Variants in CHRNA4 observed in about 807,000 individuals in gnomAD.
CHRNA4 encodes cholinergic receptor nicotinic alpha 4 subunit, also known as neuronal acetylcholine receptor subunit alpha-4.
CHRNA4 carries 28 observed loss-of-function variants against 48.9 expected under a neutral mutation model. That is an observed-to-expected ratio of 0.57 (90% CI 0.42 to 0.79). CHRNA4 has a LOEUF of 0.79. Among genes scored for constraint, CHRNA4 ranks in the 30% least tolerant of loss-of-function variants. CHRNA4 has a pLI of 0.00. For synonymous variants in CHRNA4, 425 were observed against 402.3 expected (o/e 1.06, Z -0.68); for missense variants, 859 against 898.4 (o/e 0.96, Z 0.56).
chr20:63,351,192 G>C, intron 4 of CHRNA4, 165 bp from the exon 5 acceptor site: 1 of 437,884 alleles, frequency 2.3e-6, no homozygotes, highest in Non-Finnish European at 3.9e-6. Context: ...CATGTCCCAC[G>C]CCCACATCCA....
chr20:63,361,048 A>G, intron 1 of CHRNA4, 42 bp downstream of exon 1: 1 of 1,392,342 alleles, frequency 7.2e-7, no homozygotes, highest in Non-Finnish European at 9.4e-7. Context: ...AGGCCATCCG[A>G]ACGCGGGCGA....
rs114029574 is a variant in CHRNA4 at position 63,348,351 on chromosome 20, C to T, written c.1758+1302G>A. ...CTGGCAGCAAAGCAGGATCCCGATG[C>T]TTCTCCAGGCTGCTCTCGTGACCCC... On this transcript the variant is annotated intron_variant, in intron 5 of 5. Transcript: ENST00000370263. Among the ~76,000 whole-genome samples, 163 of 152,374 alleles carry T rather than the reference C, an allele frequency of 1.1e-3. 1 individual carries two copies. Among genetic ancestry groups the T allele is most frequent in the African/African-American group, 3.7e-3 (154 of 41,578 alleles).
intron 2 of CHRNA4, 102 bp from the exon 3 acceptor site, chr20:63,356,517 C>G (rs2068721464): frequency 5.5e-6 from 7 of 1,279,108 alleles, no homozygotes; most frequent in Non-Finnish European, 2.2e-6. Flanking sequence ...ACGGCCAGGG[C>G]AAGATATGGT....
At chr20:63,357,356 T>A (rs1362939556) in intron 2 of CHRNA4, among the ~76,000 whole-genome samples, 1 of 152,216 alleles carries the variant, frequency 6.6e-6, no homozygotes, top group Non-Finnish European at 1.5e-5. Context: ...CAGAACCAGC[T>A]TCACGTGGCC....
chr20:63,361,291 G>C lies in CHRNA4; in HGVS notation c.-126C>G. On this transcript the variant is annotated 5_prime_UTR_variant, in exon 1 of 6. Coordinates refer to ENST00000370263, the MANE Select transcript of CHRNA4 (RefSeq NM_000744.7). Reference sequence around the variant, plus strand: ...CCGCTTCGGCCGCCGGGCCCGGTTCGTCTTCTCCTGTGGGGCGCGGTGCGG... The same window carrying C: ...CCGCTTCGGCCGCCGGGCCCGGTTCCTCTTCTCCTGTGGGGCGCGGTGCGG... 2.2e-6 allele frequency: 3 copies of C among 1,345,104 alleles called. No homozygotes were observed. The highest frequency in any genetic ancestry group is 1.9e-6 in the Non-Finnish European group (2 of 1,049,912). The allele number at this position is 1,345,104 out of a possible 1,614,324, so 83.3% of individuals were successfully genotyped here.
chr20:63,353,768 A>G (rs1217860886), intron 4 of CHRNA4, among the ~76,000 whole-genome samples: 7 of 9,798 alleles, frequency 7.1e-4, no homozygotes, highest in Non-Finnish European at 1.1e-3. Flanking sequence ...CTGTAGTCCT[A>G]GGGGGCTGCG....
At chr20:63,352,548 C>T (rs568862070) in intron 4 of CHRNA4, among the ~76,000 whole-genome samples, 9 of 152,160 alleles carry the variant, frequency 5.9e-5, no homozygotes, top group Non-Finnish European at 8.8e-5. Context: ...CAGCGGGGGG[C>T]GGGGCTTTAC....
In CHRNA4 at chr20:63,359,637, C is replaced by T. The variant is rs750423296; in HGVS notation, c.139G>A (p.Gly47Ser). The change falls in exon 2 of 6, where the codon GGT (glycine) becomes AGT (serine). Residue 47 changes from glycine to serine, a missense_variant. By Grantham distance (56) the Gly-to-Ser change is moderately conservative. Transcript: ENST00000370263. ...EERLLKKLFS[G>S]YNKWSRPVAN... ...ACGGGTCGGGACCACTTGTTGTAACCGGAGAAGAGTTTCTTCAGGAGCCGC... is the reference window on the plus strand; with the variant it reads ...ACGGGTCGGGACCACTTGTTGTAACTGGAGAAGAGTTTCTTCAGGAGCCGC... 18 of 1,612,620 alleles carry T rather than the reference C, an allele frequency of 1.1e-5. No individual in the cohort carries two copies. The highest frequency in any genetic ancestry group is 1.7e-4 in the Middle Eastern group (1 of 5,980).
chr20:63,351,172 C>T (rs1378684099), intron 4 of CHRNA4, 145 bp from the exon 5 acceptor site: 37 of 514,434 alleles, frequency 7.2e-5, no homozygotes, highest in South Asian at 4.2e-4. Flanking sequence ...TCCACGTCCA[C>T]GCCCACATCC....
At chr20:63,353,675 GCTGCAGTCCTAGGA>G (rs2068655890) in intron 4 of CHRNA4, among the ~76,000 whole-genome samples, 1 of 65,942 alleles carries the variant, frequency 1.5e-5, no homozygotes, top group Non-Finnish European at 3.0e-5. Context: ...TCCTGGGAGG[GCTGCAGTCCTAGGA>G]GGCTGTGGTC....
intron 4 of CHRNA4, chr20:63,354,505 G>T (rs2145398358): frequency 2.3e-6 from 2 of 862,894 alleles, no homozygotes; most frequent in South Asian, 5.2e-5. Context: ...GGTCCTAGAG[G>T]AACTGTGGTC....
chr20:63,348,801 C>A (rs997452890), intron 5 of CHRNA4, among the ~76,000 whole-genome samples: 1 of 152,054 alleles, frequency 6.6e-6, no homozygotes, highest in Non-Finnish European at 1.5e-5. Context: ...TGCCTCCCCC[C>A]ATGTGACAGG....
At chr20:63,352,004 G>A (rs2068623122) in intron 4 of CHRNA4, among the ~76,000 whole-genome samples, 1 of 152,202 alleles carries the variant, frequency 6.6e-6, no homozygotes, top group African/African-American at 2.4e-5. Context: ...TGGGAAGCCT[G>A]AGGCCCCATT....
At position 63,350,350 on chromosome 20, in the gene CHRNA4, C is replaced by T. The variant is rs200605749; in HGVS notation, c.1061G>A (p.Arg354His). ...VRRVFLDIVP[R>H]LLLMKRPSVV... ...GGACGGCCGCTTCATGAGGAGCAGG[C>T]GTGGCACGATGTCCAGGAAGACCCT... is the stretch of plus-strand genomic sequence containing the variant. The change falls in exon 5 of 6, where the codon CGC (arginine) becomes CAC (histidine). Residue 354 changes from arginine to histidine, a missense_variant. Physicochemically the swap from Arg to His is conservative, Grantham distance 29 (BLOSUM62 0). Around this residue, in one of 3 missense-constraint regions of CHRNA4, gnomAD observed 478 missense variants for 455.4 expected, o/e 1.05. Transcript: ENST00000370263. 35 of 1,613,434 alleles carry T rather than the reference C, an allele frequency of 2.2e-5. 1 individual carries two copies. Among genetic ancestry groups the T allele is most frequent in the South Asian group, 1.8e-4 (16 of 91,082 alleles).
Position 63,349,660 on chromosome 20 carries a change from T to C in CHRNA4, c.1751A>G (p.Asp584Gly). The C allele has an allele frequency of 1.9e-6, 3 of 1,612,608 alleles. No homozygotes were observed. In the Middle Eastern group the frequency reaches 5.0e-4, roughly 266 times the overall value. Residue 584 changes from aspartate (D) to glycine (G), a missense_variant, in exon 5 of 6, where the codon GAC becomes GGC. Asp to Gly is a moderately conservative substitution (Grantham distance 94). Around this residue, in one of 3 missense-constraint regions of CHRNA4, gnomAD observed 478 missense variants for 455.4 expected, o/e 1.05. Transcript: ENST00000370263. ...IADHLKAEDT[D>G]FSVKEDWKYV... ...GCCATGGGCGGGACTTACCGAGAAG[T>C]CTGTGTCTTCGGCCTTCAGGTGGTC... is the stretch of plus-strand genomic sequence containing the variant.
chr20:63,344,072 G>A lies in CHRNA4; in HGVS notation c.*2666C>T, dbSNP rs2123458519. On this transcript the variant is annotated 3_prime_UTR_variant, in exon 6 of 6. Transcript: ENST00000370263. The surrounding 1 kb of genome is among the most constrained non-coding windows in gnomAD (Gnocchi z 4.5). ...CAAGCAAAGTCCACTAACAGGTGAT[G>A]GACAAACTGCGTCTTAGTTTATTCA... 2.2e-6 allele frequency: 1 copy of A among 454,144 alleles called. No homozygotes were observed. Among genetic ancestry groups the A allele is most frequent in the East Asian group, 6.9e-5 (1 of 14,404 alleles). 28.1% of individuals were successfully genotyped at this position (454,144 alleles called of 1,614,324 possible). A position where few individuals can be genotyped will look rare whatever the true frequency, so the allele number is the denominator to read the frequency against.
In CHRNA4 at chr20:63,350,062, C is replaced by T. The variant is rs1469610360; in HGVS notation, c.1349G>A (p.Arg450His). ...TGGTGCCTGGGTGCCGTGGGGCGGG[C>T]GGCAGGGTCCAGGCGAGGGGTGGGG... is the stretch of plus-strand genomic sequence containing the variant. ...ASPHPSPGPC[R>H]PPHGTQAPGL... The change falls in exon 5 of 6, where the codon CGC becomes CAC. Residue 450 changes from arginine to histidine, a missense_variant. Physicochemically the swap from Arg to His is conservative, Grantham distance 29. Coordinates refer to ENST00000370263, the MANE Select transcript of CHRNA4 (RefSeq NM_000744.7). The T allele has an allele frequency of 1.5e-5, 22 of 1,511,840 alleles. No individual in the cohort carries two copies. The highest frequency in any genetic ancestry group is 4.7e-5 in the East Asian group (2 of 42,348). 93.7% of individuals were successfully genotyped at this position (1,511,840 alleles called of 1,614,324 possible). A position where few individuals can be genotyped will look rare whatever the true frequency, so the allele number is the denominator to read the frequency against.
chr20:63,346,008 GT>G lies in CHRNA4; in HGVS notation c.*729del. On this transcript the variant is annotated 3_prime_UTR_variant, in exon 6 of 6. Coordinates refer to ENST00000370263, the MANE Select transcript of CHRNA4 (RefSeq NM_000744.7). The stretch of plus-strand genomic sequence containing the variant: ...AGACTCGCTGGGGCTGGGTGTTCCT[GT>G]CCCCCGCGGAGGGCCTGCGCAGGGG... The G allele has an allele frequency of 2.2e-6, 1 of 454,038 alleles. No homozygotes were observed. Among genetic ancestry groups the G allele is most frequent in the South Asian group, 1.6e-5 (1 of 64,470 alleles). The allele number at this position is 454,038 out of a possible 1,614,324, so 28.1% of individuals were successfully genotyped here.
At chr20:63,354,588 G>T in intron 4 of CHRNA4, 1 of 563,486 alleles carries the variant, frequency 1.8e-6, no homozygotes, top group Non-Finnish European at 2.1e-6. Context: ...TGTGGAAGTG[G>T]GGGGGGCTGC....
Sources: allele counts gnomAD v4.1 joint callset (sites outside exome capture counted in the v4.1 genomes callset), GRCh38; gene constraint gnomAD v4.1.1; regional missense constraint gnomAD v4.1.1; non-coding constraint Gnocchi (gnomAD v3.1); transcripts MANE v1.5; gene names NCBI Gene and HGNC (gene_info 2026-07-23, HGNC 2026-07-21).